TNKS: variants seen among roughly 807,000 people sequenced by gnomAD.
TNKS encodes the protein poly [ADP-ribose] polymerase tankyrase-1.
TNKS carries 72 observed loss-of-function variants against 135.8 expected under a neutral mutation model. That is an observed-to-expected ratio of 0.53 (90% CI 0.44 to 0.64). The LOEUF is 0.64. Among genes scored for constraint, TNKS ranks in the 30% least tolerant of loss-of-function variants. The pLI is 0.00. For missense variants in TNKS, 1,769 were observed against 1,674.0 expected (o/e 1.06, Z -0.99); for synonymous variants, 849 against 649.3 (o/e 1.31, Z -4.68).
intron 9 of TNKS, among the ~76,000 whole-genome samples, 156 bp downstream of exon 9, chr8:9,708,648 G>T (rs180799356): frequency 0.016 from 1,894 of 120,510 alleles, 33 homozygotes; most frequent in African/African-American, 0.043. Flanking sequence ...AACTTAGTTT[G>T]GGGGGTGATT....
At chr8:9,658,970 G>T (rs891015244) in intron 3 of TNKS, among the ~76,000 whole-genome samples, 1 of 152,152 alleles carries the variant, frequency 6.6e-6, no homozygotes, top group Non-Finnish European at 1.5e-5. Flanking sequence ...AACCAACCAA[G>T]ATCAAAAGAG....
intron 3 of TNKS, among the ~76,000 whole-genome samples, chr8:9,648,784 G>A (rs905969506): frequency 6.6e-6 from 1 of 152,138 alleles, no homozygotes; most frequent in African/African-American, 2.4e-5. Flanking sequence ...GCACATGACT[G>A]TACCTGTTCC....
At chr8:9,674,376 A>G (rs1802443572) in intron 3 of TNKS, among the ~76,000 whole-genome samples, 1 of 152,170 alleles carries the variant, frequency 6.6e-6, no homozygotes, top group Non-Finnish European at 1.5e-5. Context: ...TTTCATGGTA[A>G]TGAAGTAGTT....
intron 2 of TNKS, among the ~76,000 whole-genome samples, chr8:9,605,190 C>G (rs969333398): frequency 6.6e-6 from 1 of 152,040 alleles, no homozygotes; most frequent in Non-Finnish European, 1.5e-5. Flanking sequence ...TTCTTCTTGT[C>G]AGCCATCCCC....
At chr8:9,588,960 G>T (rs1021469424) in intron 2 of TNKS, among the ~76,000 whole-genome samples, 2 of 152,086 alleles carry the variant, frequency 1.3e-5, no homozygotes, top group Non-Finnish European at 2.9e-5. Context: ...ATCGGAGTGG[G>T]GAAAGATGAC....
At chr8:9,566,219 T>A (rs1473740061) in intron 1 of TNKS, 1 of 152,172 alleles carries the variant, frequency 6.6e-6, no homozygotes, top group African/African-American at 2.4e-5. Flanking sequence ...TATTTTTTTC[T>A]AATGTCTTGA....
chr8:9,637,190 G>A (rs911315669), intron 3 of TNKS, among the ~76,000 whole-genome samples: 1 of 152,182 alleles, frequency 6.6e-6, no homozygotes, highest in Non-Finnish European at 1.5e-5. Context: ...AATTAGACAG[G>A]AAATCAGTCC....
intron 5 of TNKS, among the ~76,000 whole-genome samples, chr8:9,694,571 G>A (rs1803426743): frequency 6.6e-6 from 1 of 152,070 alleles, no homozygotes; most frequent in Non-Finnish European, 1.5e-5. Flanking sequence ...CGACCAGCCT[G>A]ACCAACATGG....
chr8:9,644,297 C>G (rs1800830367), intron 3 of TNKS, among the ~76,000 whole-genome samples: 1 of 151,902 alleles, frequency 6.6e-6, no homozygotes, highest in Admixed American at 6.6e-5. Flanking sequence ...TGAGGTGATG[C>G]CATAAATAAA....
intron 8 of TNKS, 31 bp downstream of exon 8, chr8:9,707,028 C>T (rs764294193): frequency 3.3e-6 from 5 of 1,512,004 alleles, no homozygotes; most frequent in East Asian, 4.8e-5. Context: ...ATCATTATCG[C>T]ATAAATTGGA....
intron 5 of TNKS, among the ~76,000 whole-genome samples, chr8:9,683,100 T>C (rs1479378758): frequency 1.3e-5 from 2 of 152,060 alleles, no homozygotes; most frequent in South Asian, 2.1e-4. Context: ...GTGGTTTGAA[T>C]TGAATAATTC....
chr8:9,621,463 C>T (rs777503197), intron 3 of TNKS, among the ~76,000 whole-genome samples: 10 of 152,132 alleles, frequency 6.6e-5, no homozygotes, highest in African/African-American at 1.4e-4. Context: ...TGTGCCACCA[C>T]GCTCAGCTAA....
At chr8:9,690,952 A>G (rs1395426615) in intron 5 of TNKS, among the ~76,000 whole-genome samples, 3 of 152,130 alleles carry the variant, frequency 2.0e-5, no homozygotes, top group Admixed American at 6.6e-5. Flanking sequence ...CAACCTCCCA[A>G]TGCAGTGTTA....
At chr8:9,740,528 CT>C (rs1426637085) in intron 17 of TNKS, among the ~76,000 whole-genome samples, 1 of 152,118 alleles carries the variant, frequency 6.6e-6, no homozygotes, top group African/African-American at 2.4e-5. Context: ...AGTGAGGATA[CT>C]TTTAAGGAAA....
Position 9,708,406 on chromosome 8 carries a change from A to C in TNKS, c.1492A>C (p.Arg498=). 2 of 1,609,732 alleles carry C rather than the reference A, an allele frequency of 1.2e-6. No individual in the cohort carries two copies. The highest frequency in any genetic ancestry group is 1.7e-6 in the Non-Finnish European group (2 of 1,177,828). Residue 498 remains arginine, a synonymous_variant, in exon 9 of 27, where the codon AGA becomes CGA. Transcript: ENST00000310430. The part of the protein sequence containing the change: ...FKGHSLLQAA[R]EADLAKVKKT... ...AGGTCATTCTTTACTACAAGCAGCCAGAGAAGCAGACTTAGCTAAAGTTAA... is the reference window on the plus strand; with the variant it reads ...AGGTCATTCTTTACTACAAGCAGCCCGAGAAGCAGACTTAGCTAAAGTTAA...
chr8:9,575,831 C>A (rs4128199), intron 1 of TNKS, among the ~76,000 whole-genome samples: 1 of 152,038 alleles, frequency 6.6e-6, no homozygotes, highest in African/African-American at 2.4e-5. Context: ...AAAACTTCAA[C>A]TGACTTAAAG....
chr8:9,603,485 G>A (rs7464185), intron 2 of TNKS, among the ~76,000 whole-genome samples: 43,784 of 152,088 alleles, frequency 0.29, 6,616 homozygotes, highest in East Asian at 0.39. Context: ...ACACTGGGAA[G>A]TTACTAACCA....
At chr8:9,640,682 G>A (rs545718869) in intron 3 of TNKS, among the ~76,000 whole-genome samples, 19 of 145,928 alleles carry the variant, frequency 1.3e-4, no homozygotes, top group Non-Finnish European at 2.7e-4. Flanking sequence ...AAAGAAAATA[G>A]CACCTAATGT....
At chr8:9,691,871 G>A (rs1803290545) in intron 5 of TNKS, among the ~76,000 whole-genome samples, 1 of 152,128 alleles carries the variant, frequency 6.6e-6, no homozygotes, top group African/African-American at 2.4e-5. Context: ...CTTAGACTCA[G>A]TACAGATTGA....
Sources: allele counts gnomAD v4.1 joint callset (sites outside exome capture counted in the v4.1 genomes callset), GRCh38; gene constraint gnomAD v4.1.1; transcripts MANE v1.5; gene names NCBI Gene and HGNC (gene_info 2026-07-23, HGNC 2026-07-21).